The following ACBD6 variants were observed in gnomAD, a reference collection of about 807,000 sequenced individuals.
ACBD6 encodes the protein acyl-CoA binding domain containing 6.
Under a neutral mutation model 37.2 loss-of-function variants are expected in ACBD6, and 28 were observed. The observed-to-expected ratio is 0.75, with a 90% CI of 0.56 to 1.03. The LOEUF is 1.03. Ranked by LOEUF, ACBD6 falls within the 50% of genes least tolerant of loss-of-function variation. The pLI is 0.00. For missense variants in ACBD6, 340 were observed against 337.4 expected, an observed-to-expected ratio of 1.01 and a Z score of -0.06; for synonymous variants, 113 against 126.8, an observed-to-expected ratio of 0.89 and a Z score of 0.73.
intron 3 of ACBD6, among the ~76,000 whole-genome samples, chr1:180,439,857 C>G (rs907589633): frequency 1.3e-5 from 2 of 152,240 alleles, no homozygotes; most frequent in Non-Finnish European, 2.9e-5. Flanking sequence ...GGAGTGATAA[C>G]TTGCAGGTTC....
At chr1:180,305,363 C>CTAA (rs1313875288) in intron 7 of ACBD6, among the ~76,000 whole-genome samples, 2 of 151,904 alleles carry the variant, frequency 1.3e-5, no homozygotes, top group African/African-American at 4.8e-5. Flanking sequence ...TGACAAAGGG[C>CTAA]TAATATCCAG....
At chr1:180,439,418 A>C (rs1649191347) in intron 3 of ACBD6, among the ~76,000 whole-genome samples, 1 of 152,258 alleles carries the variant, frequency 6.6e-6, no homozygotes, top group East Asian at 1.9e-4. Flanking sequence ...CCCCGTCTCT[A>C]CTAAAAATAA....
At chr1:180,420,907 C>T (rs1648334849) in intron 4 of ACBD6, among the ~76,000 whole-genome samples, 1 of 152,122 alleles carries the variant, frequency 6.6e-6, no homozygotes, top group African/African-American at 2.4e-5. Context: ...TTCCTTCTCT[C>T]CCTTACTAAT....
At chr1:180,385,748 G>C (rs1653824344) in intron 6 of ACBD6, among the ~76,000 whole-genome samples, 1 of 152,096 alleles carries the variant, frequency 6.6e-6, no homozygotes. Context: ...AACCCTGTTG[G>C]CGCCTTTATC....
chr1:180,467,473 C>CAAAAAAAAAAAA (rs1650397702), intron 3 of ACBD6, among the ~76,000 whole-genome samples: 1 of 68,804 alleles, frequency 1.5e-5, no homozygotes, highest in Non-Finnish European at 3.0e-5. Context: ...AAAAAAAAAA[C>CAAAAAAAAAAAA]AAAAACAAAC....
At chr1:180,447,076 A>G (rs1649503293) in intron 3 of ACBD6, among the ~76,000 whole-genome samples, 1 of 152,104 alleles carries the variant, frequency 6.6e-6, no homozygotes, top group Admixed American at 6.6e-5. Context: ...CATTTATAAA[A>G]ATGTCAGTTC....
chr1:180,458,525 T>G (rs57451284), intron 3 of ACBD6, among the ~76,000 whole-genome samples: 1 of 152,064 alleles, frequency 6.6e-6, no homozygotes, highest in Non-Finnish European at 1.5e-5. Context: ...ATAATAAATG[T>G]GATTCATTTG....
intron 6 of ACBD6, among the ~76,000 whole-genome samples, chr1:180,342,702 A>C (rs1652026121): frequency 6.6e-6 from 1 of 152,052 alleles, no homozygotes; most frequent in Non-Finnish European, 1.5e-5. Flanking sequence ...AATGGAATTG[A>C]TATTAAAGCA....
chr1:180,273,979 T>G lies in ACBD6; in HGVS notation c.*1070A>C, dbSNP rs116699114. 2.6e-4 allele frequency: 160 copies of G among 608,950 alleles called. No individual in the cohort carries two copies. In the African/African-American group the frequency reaches 2.9e-3, roughly 11 times the overall value. 37.7% of individuals were successfully genotyped at this position (608,950 alleles called of 1,614,324 possible). A position where few individuals can be genotyped will look rare whatever the true frequency, so the allele number is the denominator to read the frequency against. On this transcript the variant is annotated 3_prime_UTR_variant, in exon 11 of 14. Coordinates refer to the ACBD6 transcript ENST00000642319. Reference sequence around the variant, plus strand: ...TTCTGGGACCTGGGAATTTAGTCTTTGCAGGTGTTTCTTGTTTTTCTCCTT... The same window carrying G: ...TTCTGGGACCTGGGAATTTAGTCTTGGCAGGTGTTTCTTGTTTTTCTCCTT...
chr1:180,457,789 A>G (rs1649980082), intron 3 of ACBD6, among the ~76,000 whole-genome samples: 1 of 149,686 alleles, frequency 6.7e-6, no homozygotes. Flanking sequence ...CACAAAAATT[A>G]ACTGTTTTTT....
intron 6 of ACBD6, among the ~76,000 whole-genome samples, chr1:180,319,126 C>T (rs1338510906): frequency 6.6e-6 from 1 of 152,170 alleles, no homozygotes; most frequent in Non-Finnish European, 1.5e-5. Flanking sequence ...CCTGACTCCT[C>T]AAGTACGGTT....
chr1:180,434,052 A>C (rs1243775230), intron 3 of ACBD6, among the ~76,000 whole-genome samples: 1 of 152,136 alleles, frequency 6.6e-6, no homozygotes, highest in Non-Finnish European at 1.5e-5. Flanking sequence ...TAAGCCCTAC[A>C]ACCATCTGGA....
intron 7 of ACBD6, among the ~76,000 whole-genome samples, chr1:180,306,252 A>T (rs1274688033): frequency 7.1e-6 from 1 of 140,660 alleles, no homozygotes; most frequent in Non-Finnish European, 1.5e-5. Flanking sequence ...GTATAATAAT[A>T]AAAAAAAAAC....
At chr1:180,443,918 C>G (rs936132212) in intron 3 of ACBD6, among the ~76,000 whole-genome samples, 1 of 151,828 alleles carries the variant, frequency 6.6e-6, no homozygotes, top group African/African-American at 2.4e-5. Flanking sequence ...CCATCGTGCC[C>G]GGCCATTTCC....
chr1:180,485,089 AG>A (rs1651209472), intron 3 of ACBD6, among the ~76,000 whole-genome samples: 2 of 151,802 alleles, frequency 1.3e-5, no homozygotes, highest in Non-Finnish European at 2.9e-5. Flanking sequence ...AAAAAAAAAA[AG>A]TGTGTGTATC....
At chr1:180,322,023 G>A (rs1651093954) in intron 6 of ACBD6, among the ~76,000 whole-genome samples, 1 of 151,972 alleles carries the variant, frequency 6.6e-6, no homozygotes, top group Non-Finnish European at 1.5e-5. Flanking sequence ...ATTATGTTGA[G>A]GTAAGATGTT....
intron 3 of ACBD6, among the ~76,000 whole-genome samples, chr1:180,445,331 A>T (rs1296770576): frequency 6.6e-6 from 1 of 152,202 alleles, no homozygotes; most frequent in East Asian, 1.9e-4. Flanking sequence ...TCTTGATAAA[A>T]CAACAACAAA....
chr1:180,453,756 GACAA>G (rs1320246559), intron 3 of ACBD6, among the ~76,000 whole-genome samples: 1 of 152,048 alleles, frequency 6.6e-6, no homozygotes, highest in Admixed American at 6.6e-5. Flanking sequence ...ACCAATAATA[GACAA>G]ACAGAGAGCC....
chr1:180,378,103 T>C (rs1653507994), intron 6 of ACBD6, among the ~76,000 whole-genome samples: 1 of 152,030 alleles, frequency 6.6e-6, no homozygotes, highest in Non-Finnish European at 1.5e-5. Context: ...GCAGACACTA[T>C]CATAACGAAG....
Sources: allele counts gnomAD v4.1 joint callset (sites outside exome capture counted in the v4.1 genomes callset), GRCh38; gene constraint gnomAD v4.1.1; transcripts MANE v1.5; gene names NCBI Gene and HGNC (gene_info 2026-07-23, HGNC 2026-07-21).